Variants in FREM1 observed in about 807,000 individuals in gnomAD.
FREM1 encodes FRAS1-related extracellular matrix protein 1.
FREM1 carries 220 observed loss-of-function variants against 210.1 expected under a neutral mutation model. The ratio of observed to expected loss-of-function variants is 1.05; its 90% confidence interval spans 0.94 to 1.17. The LOEUF (loss-of-function observed/expected upper bound fraction) is 1.17, where lower values mean the gene tolerates loss of function less well. FREM1 is among the 50% of genes most tolerant of loss of function. The pLI, the probability that FREM1 is intolerant of heterozygous loss-of-function variation, is 0.00. For missense variants in FREM1, 3,454 were observed against 2,675.5 expected, an observed-to-expected ratio of 1.29 and a Z score of -6.42; for synonymous variants, 1,189 against 980.2, an observed-to-expected ratio of 1.21 and a Z score of -3.98.
intron 24 of FREM1, among the ~76,000 whole-genome samples, chr9:14,781,756 T>TGTA (rs1849675000): frequency 6.6e-6 from 1 of 152,134 alleles, no homozygotes. Flanking sequence ...CAGGCTGGAG[T>TGTA]GTAGTGGCAC....
At chr9:14,789,929 C>G (rs1851019112) in intron 22 of FREM1, among the ~76,000 whole-genome samples, 1 of 151,998 alleles carries the variant, frequency 6.6e-6, no homozygotes. Flanking sequence ...ATAGCTTTCC[C>G]TAGGAATGGC....
chr9:14,828,674 T>C (rs1564023316), intron 10 of FREM1, among the ~76,000 whole-genome samples: 1 of 149,728 alleles, frequency 6.7e-6, no homozygotes, highest in Non-Finnish European at 1.5e-5. Context: ...ATGTTATGGC[T>C]TATTTATGTA....
At chr9:14,824,307 C>T (rs1322849909) in intron 11 of FREM1, among the ~76,000 whole-genome samples, 192 bp from the exon 12 acceptor site, 1 of 152,150 alleles carries the variant, frequency 6.6e-6, no homozygotes, top group African/African-American at 2.4e-5. Flanking sequence ...GTCATGACTG[C>T]AAAAGGTATG....
intron 28 of FREM1, among the ~76,000 whole-genome samples, chr9:14,759,476 C>G (rs1845050614): frequency 8.8e-6 from 1 of 113,550 alleles, no homozygotes; most frequent in African/African-American, 3.3e-5. Context: ...TGCCATTGCA[C>G]TCCAGCCTGG....
chr9:14,886,287 G>C (rs1216841012), intron 1 of FREM1, among the ~76,000 whole-genome samples: 1 of 147,462 alleles, frequency 6.8e-6, no homozygotes, highest in Admixed American at 7.0e-5. Flanking sequence ...TCGGGAGGCT[G>C]AGGCAGGAGA....
chr9:14,849,778 AACGAAAAAAATCACACATTCGC>A (rs1473601087), intron 6 of FREM1, among the ~76,000 whole-genome samples: 7 of 152,210 alleles, frequency 4.6e-5, no homozygotes, highest in African/African-American at 1.7e-4. Context: ...GTTACTGTCT[AACGAAAAAAATCACACATTCGC>A]ACAGGTTCTG....
intron 25 of FREM1, chr9:14,774,272 T>C (rs1848137487): frequency 6.8e-6 from 3 of 439,508 alleles, no homozygotes; most frequent in South Asian, 1.8e-5. Flanking sequence ...ATCAGTACAT[T>C]TTGAGTAAAG....
chr9:14,892,342 C>T (rs1422185391), intron 1 of FREM1, among the ~76,000 whole-genome samples: 1 of 151,972 alleles, frequency 6.6e-6, no homozygotes, highest in Non-Finnish European at 1.5e-5. Flanking sequence ...GGTGCATTTA[C>T]CAGAGTAAAT....
chr9:14,898,991 A>G (rs1838281484), intron 1 of FREM1, among the ~76,000 whole-genome samples: 1 of 152,218 alleles, frequency 6.6e-6, no homozygotes, highest in South Asian at 2.1e-4. Flanking sequence ...AAAAGTTGTG[A>G]GTTGAGCCAT....
chr9:14,857,828 T>C, intron 4 of FREM1, 79 bp from the exon 5 acceptor site: 10 of 971,446 alleles, frequency 1.0e-5, no homozygotes, highest in Non-Finnish European at 1.5e-5. Flanking sequence ...CTCCGTCCCA[T>C]GAATACTTAT....
intron 27 of FREM1, among the ~76,000 whole-genome samples, chr9:14,761,469 G>A (rs1845482936): frequency 6.6e-6 from 1 of 152,118 alleles, no homozygotes; most frequent in Non-Finnish European, 1.5e-5. Context: ...AAAAAAATTG[G>A]AAACTTTATG....
chr9:14,803,835 T>A (rs1381054985), intron 19 of FREM1, among the ~76,000 whole-genome samples: 1 of 152,240 alleles, frequency 6.6e-6, no homozygotes, highest in Non-Finnish European at 1.5e-5. Flanking sequence ...AATATTAAAG[T>A]GGCATCATAG....
chr9:14,838,736 C>T lies in FREM1; in HGVS notation c.1881+2711G>A, dbSNP rs1045971534. Among the ~76,000 whole-genome samples, 6 of 152,158 alleles carry T rather than the reference C, an allele frequency of 3.9e-5. No homozygotes were observed. In the East Asian group the frequency reaches 1.2e-3, roughly 29 times the overall value. ...TGAGTCAGATACCTAGGTCTAGAAA[C>T]ATTGAAATGAATAATTCCGGGTCCC... On this transcript the variant is annotated intron_variant, in intron 10 of 36. Coordinates refer to ENST00000380880, the MANE Select transcript of FREM1 (RefSeq NM_001379081.2).
chr9:14,794,722 G>A lies in FREM1; in HGVS notation c.3840-1838C>T, dbSNP rs181584511. Among the ~76,000 whole-genome samples, 76 of 152,234 alleles carry A rather than the reference G, an allele frequency of 5.0e-4. 1 individual carries two copies. The highest frequency in any genetic ancestry group is 1.6e-3 in the African/African-American group (67 of 41,554). ...TCTTTAATAAAGTGGAGATTGGGCC[G>A]GGCGCAGTGCCTCATGCCTGTAATC... On this transcript the variant is annotated intron_variant, in intron 21 of 36. Coordinates refer to ENST00000380880, the MANE Select transcript of FREM1 (RefSeq NM_001379081.2).
chr9:14,806,488 A>T (rs1436844963), intron 18 of FREM1, among the ~76,000 whole-genome samples, 173 bp downstream of exon 18: 3 of 152,176 alleles, frequency 2.0e-5, no homozygotes, highest in Non-Finnish European at 4.4e-5. Context: ...TCCTGACCTC[A>T]GGTGACCTGC....
chr9:14,882,364 C>T (rs960504904), intron 1 of FREM1, among the ~76,000 whole-genome samples: 1 of 152,014 alleles, frequency 6.6e-6, no homozygotes, highest in African/African-American at 2.4e-5. Flanking sequence ...GATATCTATT[C>T]TTATGGCTCC....
In FREM1 at chr9:14,748,279, T is replaced by C. The variant is rs550952594; in HGVS notation, c.5796+122A>G. 1.1e-5 allele frequency: 7 copies of C among 644,290 alleles called. No homozygotes were observed. In the East Asian group the frequency reaches 1.6e-4, roughly 15 times the overall value. The allele number at this position is 644,290 out of a possible 1,614,324, so 39.9% of individuals were successfully genotyped here. On this transcript the variant is annotated intron_variant, in intron 31 of 36. Coordinates refer to ENST00000380880, the MANE Select transcript of FREM1 (RefSeq NM_001379081.2). Reference sequence around the variant, plus strand: ...CACTGCATAACTGTGCAAGGAACCATGGCCCCCACTCACTATGAGAATCAA... The same window carrying C: ...CACTGCATAACTGTGCAAGGAACCACGGCCCCCACTCACTATGAGAATCAA...
At chr9:14,779,471 C>A in intron 24 of FREM1, 1 of 985,212 alleles carries the variant, frequency 1.0e-6, no homozygotes, top group Non-Finnish European at 1.2e-6. Flanking sequence ...TGAGTGAGTG[C>A]CAGGGACTCC....
intron 10 of FREM1, among the ~76,000 whole-genome samples, chr9:14,838,168 A>C (rs1824974230): frequency 6.6e-6 from 1 of 152,234 alleles, no homozygotes; most frequent in African/African-American, 2.4e-5. Flanking sequence ...TTTCAAATTG[A>C]GTATTCTGAA....
Sources: gnomAD v4.1 joint callset for allele counts (sites outside exome capture counted in the v4.1 genomes callset) on GRCh38, gnomAD v4.1.1 for gene constraint, MANE v1.5 for transcripts, NCBI Gene and HGNC (gene_info 2026-07-23, HGNC 2026-07-21) for gene names.